Variants in UST observed in about 807,000 individuals in gnomAD.
The protein encoded by UST is uronyl 2-sulfotransferase, also known as chondroitin sulfate 2-O-sulfotransferase.
A neutral mutation model predicts 45.6 loss-of-function variants in UST; 21 were observed. The observed-to-expected ratio is 0.46, with a 90% CI of 0.33 to 0.66. UST has a LOEUF of 0.66. Among genes scored for constraint, UST ranks in the 30% least tolerant of loss-of-function variants. The pLI, the probability that UST is intolerant of heterozygous loss-of-function variation, is 0.02. For synonymous variants in UST, 215 were observed against 200.6 expected, an observed-to-expected ratio of 1.07 and a Z score of -0.61; for missense variants, 463 against 512.4, an observed-to-expected ratio of 0.90 and a Z score of 0.93.
chr6:148,900,158 A>C (rs1871921), intron 2 of UST, among the ~76,000 whole-genome samples: 39,699 of 151,970 alleles, frequency 0.26, 5,887 homozygotes, highest in Non-Finnish European at 0.33. Flanking sequence ...ATCTCCCTGG[A>C]GCCTTCACAC....
rs115635860 is a variant in UST, at chr6:148,878,035, T to A, written c.248-8951T>A. On this transcript the variant is annotated intron_variant, in intron 1 of 7. Coordinates refer to ENST00000367463, the MANE Select transcript of UST (RefSeq NM_005715.3). ...AGGGGTCATGTACGAGTGCGGAGAT[T>A]GTGTATGAGTGGGGGGTTCGTGTAT... is the stretch of plus-strand genomic sequence containing the variant. Among the ~76,000 whole-genome samples the A allele has an allele frequency of 2.5e-3, 227 of 89,978 alleles. 6 individuals are homozygous for A. Among genetic ancestry groups the A allele is most frequent in the African/African-American group, 9.8e-3 (210 of 21,358 alleles). 59.0% of individuals were successfully genotyped at this position (89,978 alleles called of 152,430 possible).
At chr6:148,847,919 A>G (rs1778020593) in intron 1 of UST, among the ~76,000 whole-genome samples, 1 of 152,204 alleles carries the variant, frequency 6.6e-6, no homozygotes, top group Non-Finnish European at 1.5e-5. Flanking sequence ...AGTCTTTTCT[A>G]TAATCTCCCA....
chr6:148,876,097 C>CTGGCA (rs1778646150), intron 1 of UST, among the ~76,000 whole-genome samples: 1 of 152,136 alleles, frequency 6.6e-6, no homozygotes, highest in Admixed American at 6.5e-5. Flanking sequence ...AAGTATGGTG[C>CTGGCA]TGGCATCTGC....
At chr6:148,837,658 C>T (rs914705005) in intron 1 of UST, among the ~76,000 whole-genome samples, 1 of 151,616 alleles carries the variant, frequency 6.6e-6, no homozygotes, top group African/African-American at 2.4e-5. Flanking sequence ...TTCTAAGGTA[C>T]AGCAGAGAAC....
At chr6:148,848,992 C>T (rs972263074) in intron 1 of UST, among the ~76,000 whole-genome samples, 31 of 152,010 alleles carry the variant, frequency 2.0e-4, no homozygotes, top group African/African-American at 7.3e-4. Context: ...GACCAAGGAA[C>T]CTGGAGTCCT....
intron 1 of UST, among the ~76,000 whole-genome samples, chr6:148,803,644 A>G (rs1316776679): frequency 6.6e-6 from 1 of 152,144 alleles, no homozygotes; most frequent in African/African-American, 2.4e-5. Context: ...AATCAGATAA[A>G]GCCTCCCAGC....
chr6:149,056,384 G>A (rs758690237), intron 7 of UST, among the ~76,000 whole-genome samples: 1 of 152,032 alleles, frequency 6.6e-6, no homozygotes, highest in Non-Finnish European at 1.5e-5. Flanking sequence ...TGGGATTACA[G>A]GCCTAAGCCA....
intron 1 of UST, among the ~76,000 whole-genome samples, chr6:148,789,426 A>ATCTCTCTCTCTCTCTCTCTCTCTC (rs751939500): frequency 1.4e-5 from 2 of 143,546 alleles, no homozygotes; most frequent in African/African-American, 5.2e-5. Flanking sequence ...TCTTGTGCAG[A>ATCTCTCTCTCTCTCTCTCTCTCTC]TCTCTCTCTC....
Position 148,870,659 on chromosome 6 carries a change from C to T in UST, c.248-16327C>T, listed in dbSNP as rs560009844. 3.9e-5 allele frequency among the ~76,000 whole-genome samples: 6 copies of T among 152,224 alleles called. No individual in the cohort carries two copies. The South Asian group carries it at 1.0e-3, about 26-fold the overall frequency. ...GAGACTCCCTTTACATGGAGATGTGCCTGACTCCACTACAGGATGCATTTA... is the reference window on the plus strand; with the variant it reads ...GAGACTCCCTTTACATGGAGATGTGTCTGACTCCACTACAGGATGCATTTA... On this transcript the variant is annotated intron_variant, in intron 1 of 7. Coordinates refer to ENST00000367463, the MANE Select transcript of UST (RefSeq NM_005715.3).
chr6:148,844,826 T>C (rs1777956749), intron 1 of UST, among the ~76,000 whole-genome samples: 1 of 152,106 alleles, frequency 6.6e-6, no homozygotes, highest in African/African-American at 2.4e-5. Flanking sequence ...ATTGTTCTCG[T>C]GTTTATATCC....
intron 1 of UST, among the ~76,000 whole-genome samples, chr6:148,861,341 A>T (rs1415207116): frequency 1.3e-5 from 2 of 152,006 alleles, no homozygotes; most frequent in East Asian, 3.9e-4. Flanking sequence ...ATCGGTGATG[A>T]TATCCCCTTT....
chr6:148,806,876 A>G lies in UST; in HGVS notation c.247+59199A>G, dbSNP rs1019762254. Among the ~76,000 whole-genome samples the G allele has an allele frequency of 2.0e-5, 3 of 152,254 alleles. No homozygotes were observed. The South Asian group carries it at 6.2e-4, about 32-fold the overall frequency. On this transcript the variant is annotated intron_variant, in intron 1 of 7. Coordinates refer to ENST00000367463, the MANE Select transcript of UST (RefSeq NM_005715.3). ...CTTTGATCAGGAACCCACTCCCTTG[A>G]TAACTGACCCACTCCCACTATGGCG... is the stretch of plus-strand genomic sequence containing the variant.
At chr6:148,875,562 G>A (rs1480722844) in intron 1 of UST, among the ~76,000 whole-genome samples, 1 of 152,214 alleles carries the variant, frequency 6.6e-6, no homozygotes, top group Non-Finnish European at 1.5e-5. Context: ...CAGCATTTTG[G>A]GAGACTGAAG....
intron 1 of UST, among the ~76,000 whole-genome samples, chr6:148,801,337 A>G (rs1777054918): frequency 1.3e-5 from 2 of 152,010 alleles, no homozygotes; most frequent in African/African-American, 2.4e-5. Context: ...TTTAGTGTTT[A>G]CTTCTGACAA....
chr6:149,029,456 CA>C (rs2115024457), intron 7 of UST, among the ~76,000 whole-genome samples: 1 of 131,778 alleles, frequency 7.6e-6, no homozygotes, highest in South Asian at 2.4e-4. Flanking sequence ...ATTATATATA[CA>C]TTATATATTA....
At chr6:148,786,819 C>T (rs1008424112) in intron 1 of UST, among the ~76,000 whole-genome samples, 5 of 152,024 alleles carry the variant, frequency 3.3e-5, no homozygotes, top group African/African-American at 1.2e-4. Context: ...ACCACACTGT[C>T]TTCCACAACC....
At chr6:148,976,173 A>C (rs1017772398) in intron 5 of UST, among the ~76,000 whole-genome samples, 1 of 152,210 alleles carries the variant, frequency 6.6e-6, no homozygotes, top group Non-Finnish European at 1.5e-5. Flanking sequence ...TTGAACTGCA[A>C]ATTAAAGCAA....
intron 5 of UST, chr6:149,005,553 A>C: frequency 1.0e-6 from 1 of 985,308 alleles, no homozygotes. Flanking sequence ...TTCCTTCCAC[A>C]AGCTTTTACC....
chr6:148,990,392 T>C (rs1781325482), intron 5 of UST: 2 of 985,302 alleles, frequency 2.0e-6, no homozygotes, highest in South Asian at 4.7e-5. Context: ...GATCAACCTA[T>C]GAAGAGCGAG....
Sources: allele counts gnomAD v4.1 joint callset (sites outside exome capture counted in the v4.1 genomes callset), GRCh38; gene constraint gnomAD v4.1.1; transcripts MANE v1.5; gene names NCBI Gene and HGNC (gene_info 2026-07-23, HGNC 2026-07-21).